The following ZFHX3 variants were observed in gnomAD, a reference collection of about 807,000 sequenced individuals.
ZFHX3 encodes zinc finger homeobox 3, also known as zinc finger homeobox protein 3.
In ZFHX3, 42 loss-of-function variants were observed where a neutral mutation model predicts 279.1. That is an observed-to-expected ratio of 0.15 (90% CI 0.12 to 0.19). The LOEUF (loss-of-function observed/expected upper bound fraction) is 0.19. Ranked by LOEUF, ZFHX3 falls within the 10% of genes least tolerant of loss-of-function variation. The pLI, the probability that ZFHX3 is intolerant of heterozygous loss-of-function variation, is 1.00. For missense variants in ZFHX3, 4,981 were observed against 4,754.0 expected, an observed-to-expected ratio of 1.05 and a Z score of -1.40; for synonymous variants, 2,293 against 1,957.8, an observed-to-expected ratio of 1.17 and a Z score of -4.52.
intron 1 of ZFHX3, among the ~76,000 whole-genome samples, chr16:73,687,638 T>C (rs1454518290): frequency 2.1e-4 from 32 of 151,402 alleles, no homozygotes. Context: ...GGTCAAGAGA[T>C]CGAGACCATC....
intron 1 of ZFHX3, among the ~76,000 whole-genome samples, chr16:73,813,358 A>G (rs1480944137): frequency 6.6e-6 from 1 of 152,024 alleles, no homozygotes; most frequent in Non-Finnish European, 1.5e-5. Flanking sequence ...AGTTCCCCAT[A>G]GAGGACAGCG....
At chr16:72,791,258 A>G (rs1567511042) in intron 9 of ZFHX3, 1 of 152,232 alleles carries the variant, frequency 6.6e-6, no homozygotes, top group Non-Finnish European at 1.5e-5. Context: ...TGGGCCTGAC[A>G]TATAATAGAT....
At chr16:73,248,374 G>A (rs1356951726) in intron 5 of ZFHX3, among the ~76,000 whole-genome samples, 15 of 150,904 alleles carry the variant, frequency 9.9e-5, no homozygotes, top group Non-Finnish European at 4.4e-5. Context: ...TGTATAAAAT[G>A]TGCCTGTGTG....
chr16:73,833,598 C>A (rs1309560499), intron 1 of ZFHX3, among the ~76,000 whole-genome samples: 2 of 151,538 alleles, frequency 1.3e-5, no homozygotes, highest in Non-Finnish European at 2.9e-5. Context: ...ACACCAGGGC[C>A]TGTCGGGGGT....
At chr16:72,934,325 G>A (rs1253441571) in intron 3 of ZFHX3, among the ~76,000 whole-genome samples, 1 of 152,164 alleles carries the variant, frequency 6.6e-6, no homozygotes, top group Non-Finnish European at 1.5e-5. Context: ...CTACTTGGGA[G>A]GCTGAGGCAG....
chr16:73,845,037 GCTC>G (rs555151510), intron 1 of ZFHX3, among the ~76,000 whole-genome samples: 131 of 152,226 alleles, frequency 8.6e-4, no homozygotes, highest in African/African-American at 3.1e-3. Flanking sequence ...GGTGGTAGGA[GCTC>G]CTCTTTTTTA....
At chr16:73,633,522 T>C (rs1597038304) in intron 2 of ZFHX3, among the ~76,000 whole-genome samples, 1 of 152,320 alleles carries the variant, frequency 6.6e-6, no homozygotes, top group East Asian at 1.9e-4. Flanking sequence ...TTCGAGACTA[T>C]TCGTAATGTT....
At chr16:72,969,961 C>T (rs1050315280) in intron 1 of ZFHX3, among the ~76,000 whole-genome samples, 9 of 152,212 alleles carry the variant, frequency 5.9e-5, no homozygotes, top group Admixed American at 5.2e-4. Flanking sequence ...GCCCACTGCC[C>T]AGAAGGCCCA....
At chr16:73,853,295 T>TC (rs1961635291) in intron 1 of ZFHX3, among the ~76,000 whole-genome samples, 1 of 152,202 alleles carries the variant, frequency 6.6e-6, no homozygotes, top group Admixed American at 6.5e-5. Context: ...AAAATAGAGC[T>TC]ACCATTTGAC....
At chr16:73,092,190 A>G (rs1265238391) in intron 8 of ZFHX3, among the ~76,000 whole-genome samples, 2 of 152,234 alleles carry the variant, frequency 1.3e-5, no homozygotes, top group South Asian at 2.1e-4. Flanking sequence ...GAAAGCAAAC[A>G]TCATGATCAT....
chr16:72,793,056 G>C lies in ZFHX3; in HGVS notation c.9427+199C>G, dbSNP rs1437753955. Reference sequence around the variant, plus strand: ...GAGTGGTTTCAAAGGAGACTGTTCCGACCAGGAGGTCCCATCCCTGACACA... The same window carrying C: ...GAGTGGTTTCAAAGGAGACTGTTCCCACCAGGAGGTCCCATCCCTGACACA... On this transcript the variant is annotated intron_variant, in intron 9 of 9. Transcript: ENST00000268489. This position sits in a 1 kb window ranked among gnomAD's most constrained non-coding sequence, Gnocchi z 4.3. Among the ~76,000 whole-genome samples the C allele has an allele frequency of 6.6e-6, 1 of 152,184 alleles. No individual in the cohort carries two copies. The highest frequency in any genetic ancestry group is 6.5e-5 in the Admixed American group (1 of 15,286).
chr16:73,539,403 T>C (rs939236886), intron 2 of ZFHX3, among the ~76,000 whole-genome samples: 6 of 150,836 alleles, frequency 4.0e-5, no homozygotes, highest in African/African-American at 1.5e-4. Flanking sequence ...CTTCTTCTCT[T>C]TTTTTAAATT....
chr16:73,391,427 G>C (rs1351443612), intron 3 of ZFHX3, among the ~76,000 whole-genome samples: 1 of 148,562 alleles, frequency 6.7e-6, no homozygotes. Flanking sequence ...ACTCCAGTCT[G>C]GTTGACAGAG....
intron 1 of ZFHX3, among the ~76,000 whole-genome samples, chr16:73,869,228 T>A (rs1962104543): frequency 6.6e-6 from 1 of 152,152 alleles, no homozygotes; most frequent in South Asian, 2.1e-4. Flanking sequence ...ACCTACAGGG[T>A]GTTTTAGAAA....
chr16:73,270,211 A>G (rs2014103005), intron 4 of ZFHX3, among the ~76,000 whole-genome samples: 1 of 152,220 alleles, frequency 6.6e-6, no homozygotes, highest in Non-Finnish European at 1.5e-5. Flanking sequence ...CCTAAGGACT[A>G]ATGATACTGA....
In ZFHX3 at chr16:73,780,111, A is replaced by ATTTTT. The variant is rs762134796; in HGVS notation, c.-1607-99876_-1607-99872dup. On this transcript the variant is annotated intron_variant, in intron 1 of 17. Transcript: ENST00000641206. Reference sequence around the variant, plus strand: ...AACCAGCAAAACTCACTGCATTTGAATTTTTTTTTTTTTTTTTTTTTTTTT... The same window carrying ATTTTT: ...AACCAGCAAAACTCACTGCATTTGAATTTTTTTTTTTTTTTTTTTTTTTTTTTTTT... Among the ~76,000 whole-genome samples, 13 of 33,214 alleles carry ATTTTT rather than the reference A, an allele frequency of 3.9e-4. 6 individuals are homozygous for ATTTTT. The highest frequency in any genetic ancestry group is 9.4e-4 in the Admixed American group (2 of 2,138). The allele number at this position is 33,214 out of a possible 152,430, so 21.8% of individuals were successfully genotyped here.
intron 8 of ZFHX3, among the ~76,000 whole-genome samples, chr16:73,089,848 A>G (rs1287748677): frequency 6.6e-6 from 1 of 152,250 alleles, no homozygotes; most frequent in Non-Finnish European, 1.5e-5. Context: ...TCTGTAGGAT[A>G]TAAGGATGAA....
At chr16:72,881,296 T>A (rs1378712734) in intron 4 of ZFHX3, among the ~76,000 whole-genome samples, 1 of 152,180 alleles carries the variant, frequency 6.6e-6, no homozygotes, top group Non-Finnish European at 1.5e-5. Context: ...TCCTTGTGGC[T>A]CTCAGGAGAC....
intron 4 of ZFHX3, among the ~76,000 whole-genome samples, chr16:72,835,450 C>T (rs895464530): frequency 2.0e-5 from 3 of 152,076 alleles, no homozygotes; most frequent in African/African-American, 7.2e-5. Context: ...TTGTTAAAAG[C>T]TCATCTTTCC....
Sources: allele counts gnomAD v4.1 joint callset (sites outside exome capture counted in the v4.1 genomes callset), GRCh38; gene constraint gnomAD v4.1.1; non-coding constraint Gnocchi (gnomAD v3.1); transcripts MANE v1.5; gene names NCBI Gene and HGNC (gene_info 2026-07-23, HGNC 2026-07-21).